The following LDLRAD4 variants were observed in gnomAD, a reference collection of about 807,000 sequenced individuals.
The protein encoded by LDLRAD4 is low-density lipoprotein receptor class A domain-containing protein 4.
A neutral mutation model predicts 17.0 loss-of-function variants in LDLRAD4; 5 were observed. The ratio of observed to expected loss-of-function variants is 0.29; its 90% CI spans 0.15 to 0.62. The LOEUF is 0.62. Ranked by LOEUF, LDLRAD4 falls within the 20% of genes least tolerant of loss-of-function variation. LDLRAD4 has a pLI of 0.84. For synonymous variants in LDLRAD4, 168 were observed against 171.8 expected (o/e 0.98, Z 0.17); for missense variants, 340 against 424.7 (o/e 0.80, Z 1.75).
intron 2 of LDLRAD4, among the ~76,000 whole-genome samples, chr18:13,427,028 C>CA (rs779490558): frequency 8.6e-5 from 13 of 151,596 alleles, no homozygotes; most frequent in East Asian, 7.8e-4. Context: ...TACTAAAATA[C>CA]AAAAAAAATG....
intron 4 of LDLRAD4, among the ~76,000 whole-genome samples, chr18:13,643,005 G>A (rs539678862): frequency 6.0e-5 from 9 of 150,372 alleles, no homozygotes; most frequent in Non-Finnish European, 1.0e-4. Context: ...GCAAGATCTC[G>A]GCTCACTGCA....
At chr18:13,404,257 G>A (rs1024201222) in intron 2 of LDLRAD4, among the ~76,000 whole-genome samples, 4 of 152,216 alleles carry the variant, frequency 2.6e-5, no homozygotes, top group African/African-American at 9.6e-5. Context: ...GGGCATCACT[G>A]TTCCCTTGCT....
At chr18:13,573,641 G>A (rs1329146155) in intron 3 of LDLRAD4, among the ~76,000 whole-genome samples, 1 of 152,224 alleles carries the variant, frequency 6.6e-6, no homozygotes, top group African/African-American at 2.4e-5. Context: ...ATAGGTGACA[G>A]GAATAGGCTG....
chr18:13,565,957 C>G (rs2094595643), intron 3 of LDLRAD4, among the ~76,000 whole-genome samples: 1 of 152,260 alleles, frequency 6.6e-6, no homozygotes, highest in African/African-American at 2.4e-5. Flanking sequence ...ACAAGCCGAG[C>G]TGCTGCTCCA....
chr18:13,560,765 AATCTCAATTCCAAC>A (rs1167509900), intron 3 of LDLRAD4, among the ~76,000 whole-genome samples: 6 of 152,226 alleles, frequency 3.9e-5, no homozygotes, highest in Non-Finnish European at 7.3e-5. Flanking sequence ...AGAAAACTCC[AATCTCAATTCCAAC>A]ATCAAGTGTC....
At chr18:13,460,104 G>T (rs190774560) in intron 3 of LDLRAD4, 1 of 154,098 alleles carries the variant, frequency 6.5e-6, no homozygotes, top group Admixed American at 6.5e-5. Flanking sequence ...CAAAGGAGAG[G>T]TGCTTTGCAA....
At chr18:13,369,739 G>T (rs555208253) in intron 1 of LDLRAD4, among the ~76,000 whole-genome samples, 1 of 152,318 alleles carries the variant, frequency 6.6e-6, no homozygotes, top group East Asian at 1.9e-4. Context: ...TATTGAGAGT[G>T]AACTTCATGC....
intron 1 of LDLRAD4, among the ~76,000 whole-genome samples, chr18:13,233,442 C>T (rs1459290306): frequency 1.3e-5 from 2 of 152,198 alleles, no homozygotes; most frequent in African/African-American, 4.8e-5. Context: ...CCGGCACCCT[C>T]TTATTGGAAA....
chr18:13,568,131 T>C (rs1367963065), intron 3 of LDLRAD4, among the ~76,000 whole-genome samples: 1 of 152,028 alleles, frequency 6.6e-6, no homozygotes, highest in Non-Finnish European at 1.5e-5. Flanking sequence ...CTGTCTCTAC[T>C]AAAAACACAA....
intron 3 of LDLRAD4, among the ~76,000 whole-genome samples, chr18:13,588,081 C>T (rs964558139): frequency 9.9e-5 from 15 of 151,668 alleles, no homozygotes; most frequent in Middle Eastern, 3.4e-3. Context: ...TTATTCATAT[C>T]GGGAAAAAAA....
chr18:13,600,718 T>C (rs2095151095), intron 3 of LDLRAD4, among the ~76,000 whole-genome samples: 1 of 152,098 alleles, frequency 6.6e-6, no homozygotes, highest in Non-Finnish European at 1.5e-5. Context: ...GTTTGGAAAA[T>C]TTTTCTGTAA....
chr18:13,276,084 C>T (rs1366195148), upstream of LDLRAD4, among the ~76,000 whole-genome samples: 1 of 152,198 alleles, frequency 6.6e-6, no homozygotes, highest in Admixed American at 6.5e-5. Context: ...TCTTGGCTCA[C>T]TGCAACCTCA....
intron 4 of LDLRAD4, among the ~76,000 whole-genome samples, chr18:13,637,325 A>G (rs1430500814): frequency 6.6e-6 from 1 of 151,908 alleles, no homozygotes; most frequent in Non-Finnish European, 1.5e-5. Flanking sequence ...TCTGTGTAGC[A>G]CCTGGGGTTC....
At chr18:13,609,682 C>A (rs902260203) in intron 3 of LDLRAD4, among the ~76,000 whole-genome samples, 4 of 152,134 alleles carry the variant, frequency 2.6e-5, no homozygotes, top group African/African-American at 9.7e-5. Context: ...TAATTAAGAT[C>A]GGCTCCATGG....
chr18:13,293,059 C>T (rs2046060041), intron 1 of LDLRAD4, among the ~76,000 whole-genome samples: 1 of 152,230 alleles, frequency 6.6e-6, no homozygotes, highest in Admixed American at 6.5e-5. Context: ...GACATCTTAA[C>T]TTAAAAGGTG....
At chr18:13,495,388 G>GTAAATGTATC (rs987209195) in intron 3 of LDLRAD4, among the ~76,000 whole-genome samples, 1 of 152,192 alleles carries the variant, frequency 6.6e-6, no homozygotes, top group Non-Finnish European at 1.5e-5. Flanking sequence ...AATTGAGATT[G>GTAAATGTATC]TAAATGTATC....
At chr18:13,293,309 T>G (rs1031564055) in intron 1 of LDLRAD4, among the ~76,000 whole-genome samples, 2 of 152,212 alleles carry the variant, frequency 1.3e-5, no homozygotes, top group Non-Finnish European at 1.5e-5. Context: ...ATAGACGACC[T>G]GTAGCCAATC....
At chr18:13,587,759 T>C (rs2094954589) in intron 3 of LDLRAD4, among the ~76,000 whole-genome samples, 1 of 152,242 alleles carries the variant, frequency 6.6e-6, no homozygotes, top group African/African-American at 2.4e-5. Flanking sequence ...TTGTTTATGA[T>C]TGAGCCTTTG....
At chr18:13,438,001 C>T (rs566358249) in intron 2 of LDLRAD4, among the ~76,000 whole-genome samples, 59 of 152,300 alleles carry the variant, frequency 3.9e-4, no homozygotes, top group African/African-American at 1.3e-3. Flanking sequence ...TAGAGTGAGG[C>T]GTGCAAGGTG....
Sources: gnomAD v4.1 joint callset for allele counts (sites outside exome capture counted in the v4.1 genomes callset) on GRCh38, gnomAD v4.1.1 for gene constraint, MANE v1.5 for transcripts, NCBI Gene and HGNC (gene_info 2026-07-23, HGNC 2026-07-21) for gene names.